Variants in AKAP19 observed in about 807,000 individuals in gnomAD.
AKAP19 encodes the protein small A-kinase anchoring protein.
the AKAP19 span, among the ~76,000 whole-genome samples, chr2:189,927,902 A>G: frequency 6.6e-6 from 1 of 152,196 alleles, no homozygotes; most frequent in Non-Finnish European, 1.5e-5. Flanking sequence ...GATATAGAAC[A>G]CTACCATCAT....
the AKAP19 span, among the ~76,000 whole-genome samples, chr2:189,994,074 G>C: frequency 6.7e-6 from 1 of 150,314 alleles, no homozygotes; most frequent in Non-Finnish European, 1.5e-5. Flanking sequence ...GCACTGGCGC[G>C]ATCTCAGCTC....
the AKAP19 span, among the ~76,000 whole-genome samples, chr2:189,971,980 A>G: frequency 1.3e-5 from 2 of 151,866 alleles, no homozygotes; most frequent in Admixed American, 6.6e-5. Flanking sequence ...GAAGCTCTTT[A>G]GTTTAATTAG....
the AKAP19 span, among the ~76,000 whole-genome samples, chr2:189,938,904 A>G: frequency 6.6e-6 from 1 of 152,210 alleles, no homozygotes; most frequent in Non-Finnish European, 1.5e-5. Flanking sequence ...GGACTTCCAT[A>G]TCTTCAGTGC....
the AKAP19 span, among the ~76,000 whole-genome samples, chr2:190,177,239 G>T: frequency 6.6e-6 from 1 of 152,178 alleles, no homozygotes; most frequent in African/African-American, 2.4e-5. This position sits in a 1 kb window ranked among gnomAD's most constrained non-coding sequence, Gnocchi z 4.6. Context: ...AGGGGTAGGG[G>T]TGGAGGTGGT....
At chr2:189,941,777 G>A in the AKAP19 span, among the ~76,000 whole-genome samples, 1 of 152,118 alleles carries the variant, frequency 6.6e-6, no homozygotes, top group South Asian at 2.1e-4. Context: ...ACAAATCAAT[G>A]AGAAAATCAA....
At chr2:190,180,062 A>G in the AKAP19 span, among the ~76,000 whole-genome samples, 1 of 152,228 alleles carries the variant, frequency 6.6e-6, no homozygotes, top group Non-Finnish European at 1.5e-5. The surrounding 1 kb of genome is among the most constrained non-coding windows in gnomAD (Gnocchi z 6.8). Flanking sequence ...TGAAAGAGAA[A>G]CACGCTTGGA....
At chr2:190,119,300 G>A in the AKAP19 span, among the ~76,000 whole-genome samples, 1 of 152,168 alleles carries the variant, frequency 6.6e-6, no homozygotes, top group Admixed American at 6.5e-5. Flanking sequence ...GCTGAAAGAG[G>A]GAACCCCGCG....
the AKAP19 span, among the ~76,000 whole-genome samples, chr2:189,969,586 A>G: frequency 1.3e-5 from 2 of 151,580 alleles, no homozygotes; most frequent in Admixed American, 6.6e-5. Flanking sequence ...AAAAGTTAGC[A>G]AGGCATGATG....
chr2:190,037,575 C>G, the AKAP19 span, among the ~76,000 whole-genome samples: 7 of 152,170 alleles, frequency 4.6e-5, no homozygotes, highest in African/African-American at 1.7e-4. Context: ...GTACCTGCAA[C>G]CAGTAATAAG....
the AKAP19 span, among the ~76,000 whole-genome samples, chr2:190,094,953 G>A: frequency 1.3e-5 from 2 of 152,224 alleles, no homozygotes; most frequent in African/African-American, 2.4e-5. Context: ...GGCCGGGCGC[G>A]GTGGCTCACG....
the AKAP19 span, among the ~76,000 whole-genome samples, chr2:189,909,163 A>G: frequency 6.6e-6 from 1 of 151,906 alleles, no homozygotes; most frequent in Admixed American, 6.6e-5. Context: ...TTTGTCTGAT[A>G]GTAGAATAGT....
At chr2:190,154,889 G>T in the AKAP19 span, among the ~76,000 whole-genome samples, 2 of 152,216 alleles carry the variant, frequency 1.3e-5, no homozygotes, top group Non-Finnish European at 2.9e-5. Flanking sequence ...GCTAACTGGG[G>T]AGTGTAGAAG....
chr2:190,082,463 A>C, the AKAP19 span, among the ~76,000 whole-genome samples: 1 of 152,228 alleles, frequency 6.6e-6, no homozygotes, highest in South Asian at 2.1e-4. Context: ...CAGTTGATAT[A>C]GTTAATAGTA....
chr2:189,976,697 T>C, the AKAP19 span, among the ~76,000 whole-genome samples: 16 of 152,328 alleles, frequency 1.1e-4, no homozygotes, highest in African/African-American at 3.8e-4. Flanking sequence ...TCCCCCAGCC[T>C]CGCTGCTGCC....
At chr2:190,119,176 A>G in the AKAP19 span, among the ~76,000 whole-genome samples, 1 of 152,336 alleles carries the variant, frequency 6.6e-6, no homozygotes, top group South Asian at 2.1e-4. Flanking sequence ...ATAAAATGAC[A>G]CGGACACACA....
the AKAP19 span, chr2:190,060,330 A>C: frequency 1.2e-6 from 2 of 1,613,028 alleles, no homozygotes; most frequent in Non-Finnish European, 1.7e-6. Flanking sequence ...GACGGGTCTC[A>C]AATATATCCA....
the AKAP19 span, among the ~76,000 whole-genome samples, chr2:190,180,037 T>C: frequency 6.6e-6 from 1 of 152,240 alleles, no homozygotes; most frequent in African/African-American, 2.4e-5. This position sits in a 1 kb window ranked among gnomAD's most constrained non-coding sequence, Gnocchi z 6.8. Flanking sequence ...AAATGGCCTT[T>C]AGAGATACTT....
chr2:190,090,115 T>C, the AKAP19 span, among the ~76,000 whole-genome samples: 3 of 152,154 alleles, frequency 2.0e-5, no homozygotes, highest in African/African-American at 7.2e-5. Context: ...GCCTGCTCCT[T>C]TGGGAGAGAC....
At chr2:189,966,844 A>G in the AKAP19 span, among the ~76,000 whole-genome samples, 1 of 152,230 alleles carries the variant, frequency 6.6e-6, no homozygotes, top group African/African-American at 2.4e-5. Flanking sequence ...AATTATCTCA[A>G]TACAAATTTC....
Sources: gnomAD v4.1 joint callset for allele counts (sites outside exome capture counted in the v4.1 genomes callset) on GRCh38, gnomAD v4.1.1 for gene constraint, Gnocchi (gnomAD v3.1) non-coding constraint, MANE v1.5 for transcripts, NCBI Gene and HGNC (gene_info 2026-07-23, HGNC 2026-07-21) for gene names.